Variants in ACER3 observed in about 807,000 individuals in gnomAD.
ACER3 encodes alkCDase 3.
Under a neutral mutation model 48.9 loss-of-function variants are expected in ACER3, and 16 were observed. That is an observed-to-expected ratio of 0.33 (90% CI 0.22 to 0.50). The LOEUF (loss-of-function observed/expected upper bound fraction) is 0.50, where lower values mean the gene tolerates loss of function less well. Ranked by LOEUF, ACER3 falls within the 20% of genes least tolerant of loss-of-function variation. The pLI is 0.98. For synonymous variants in ACER3, 109 were observed against 107.8 expected, an observed-to-expected ratio of 1.01 and a Z score of -0.07; for missense variants, 227 against 326.0, an observed-to-expected ratio of 0.70 and a Z score of 2.34.
intron 1 of ACER3, among the ~76,000 whole-genome samples, chr11:76,921,851 A>G (rs1946693197): frequency 6.6e-6 from 1 of 152,158 alleles, no homozygotes; most frequent in Non-Finnish European, 1.5e-5. Flanking sequence ...TGACCCAGGA[A>G]TCCTTCAGAT....
At chr11:77,008,202 G>T (rs1949193238) in intron 7 of ACER3, among the ~76,000 whole-genome samples, 1 of 152,166 alleles carries the variant, frequency 6.6e-6, no homozygotes, top group Non-Finnish European at 1.5e-5. Flanking sequence ...ATAATGCCCA[G>T]CAGTTTTAGT....
intron 1 of ACER3, among the ~76,000 whole-genome samples, chr11:76,918,814 C>T (rs1388099105): frequency 6.6e-6 from 1 of 152,164 alleles, no homozygotes; most frequent in African/African-American, 2.4e-5. Context: ...TAAGTTCACA[C>T]AGCTAGAAGG....
intron 1 of ACER3, among the ~76,000 whole-genome samples, chr11:76,871,734 G>C (rs935903939): frequency 6.6e-6 from 1 of 152,156 alleles, no homozygotes; most frequent in East Asian, 1.9e-4. Flanking sequence ...ATCAGAAAAC[G>C]AGCTGGAAAG....
chr11:77,001,508 G>A (rs371884524), intron 7 of ACER3, among the ~76,000 whole-genome samples: 1 of 152,016 alleles, frequency 6.6e-6, no homozygotes, highest in African/African-American at 2.4e-5. Context: ...TGCCTGTCTC[G>A]GCCTCCCAAA....
chr11:76,861,006 C>G lies in ACER3; in HGVS notation c.30C>G (p.Tyr10Ter). The change falls in exon 1 of 11, where the codon TAC becomes TAG. Residue 10 changes from tyrosine to a stop codon, truncating the protein, a stop_gained. Coordinates refer to ENST00000532485, the MANE Select transcript of ACER3 (RefSeq NM_018367.7). LOFTEE classifies it high-confidence loss of function. MAPAADREG[Y>*]WGPTTSTLDW... ...CTCCGGCCGCGGACCGAGAGGGCTA[C>G]TGGGGCCCCACGACCTCCACGCTGG... 1 of 1,546,210 alleles carries G rather than the reference C, an allele frequency of 6.5e-7. No homozygotes were observed. The highest frequency in any genetic ancestry group is 8.7e-7 in the Non-Finnish European group (1 of 1,145,772).
intron 3 of ACER3, 23 bp from the exon 4 acceptor site, chr11:76,976,266 T>C: frequency 6.4e-7 from 1 of 1,573,846 alleles, no homozygotes; most frequent in Non-Finnish European, 8.7e-7. Context: ...TTCAAGCCTG[T>C]TATCTATCTT....
At chr11:76,928,110 T>C (rs1946881009) in intron 2 of ACER3, among the ~76,000 whole-genome samples, 1 of 152,182 alleles carries the variant, frequency 6.6e-6, no homozygotes, top group South Asian at 2.1e-4. Flanking sequence ...CTCCACATCC[T>C]CTCCAGCACG....
Position 76,880,431 on chromosome 11 carries a change from C to A in ACER3, c.103+19352C>A, listed in dbSNP as rs114890038. ...TTTGCAGTGGACACTAGCTGGGTAT[C>A]TTTCAATTCAATTCTGACACTGTCT... On this transcript the variant is annotated intron_variant, in intron 1 of 10. Transcript: ENST00000532485. 3.1e-3 allele frequency among the ~76,000 whole-genome samples: 468 copies of A among 152,334 alleles called. 5 individuals are homozygous for A. Among genetic ancestry groups the A allele is most frequent in the African/African-American group, 0.011 (445 of 41,578 alleles).
In ACER3 at chr11:76,866,358, A is replaced by G. The variant is rs1945090070; in HGVS notation, c.103+5279A>G. Among the ~76,000 whole-genome samples, 3 of 152,304 alleles carry G rather than the reference A, an allele frequency of 2.0e-5. No individual in the cohort carries two copies. In the South Asian group the frequency reaches 6.2e-4, roughly 32 times the overall value. ...CAGGAGACAAGGAGGCAACTCAACT[A>G]CATGCTTTGCTTTCTGTACATGAAC... On this transcript the variant is annotated intron_variant, in intron 1 of 10. Transcript: ENST00000532485.
At chr11:76,957,380 T>C (rs556662358) in intron 2 of ACER3, 11 of 364,600 alleles carry the variant, frequency 3.0e-5, no homozygotes, top group African/African-American at 2.4e-4. Context: ...AAACCTTTGA[T>C]ATATTGAAGC....
chr11:76,898,980 A>G (rs972603539), intron 1 of ACER3, among the ~76,000 whole-genome samples: 35 of 150,134 alleles, frequency 2.3e-4, no homozygotes, highest in African/African-American at 7.6e-4. Flanking sequence ...TATATATTTC[A>G]TCTTCTATTT....
intron 10 of ACER3, 21 bp downstream of exon 10, chr11:77,019,797 CTG>C (rs782231333): frequency 6.8e-6 from 11 of 1,610,776 alleles, no homozygotes; most frequent in African/African-American, 1.3e-5. Context: ...TTCCTAGGTC[CTG>C]TGTGTGTGTT....
Position 77,015,016 on chromosome 11 carries a change from G to C in ACER3, c.498G>C (p.Trp166Cys). ...TGCTTTTCTGTTTTCCCCCCCACAG[G>C]GTTTATCCATGGCTTAGAGGACTGG... ...LVLRSIYIVT[W>C]VYPWLRGLGY... Residue 166 changes from tryptophan (W) to cysteine (C), a missense_variant and splice_region_variant, in exon 8 of 11, where the codon TGG (tryptophan) becomes TGC (cysteine). Coordinates refer to ENST00000532485, the MANE Select transcript of ACER3 (RefSeq NM_018367.7). 6.4e-7 allele frequency: 1 copy of C among 1,574,384 alleles called. No individual in the cohort carries two copies. The highest frequency in any genetic ancestry group is 8.7e-7 in the Non-Finnish European group (1 of 1,145,650).
chr11:76,872,129 T>G (rs535019958), intron 1 of ACER3, among the ~76,000 whole-genome samples: 3 of 149,300 alleles, frequency 2.0e-5, no homozygotes, highest in Non-Finnish European at 4.4e-5. Flanking sequence ...GAGGCTGGAG[T>G]GCAGTGGCAC....
intron 2 of ACER3, among the ~76,000 whole-genome samples, chr11:76,941,345 T>G (rs892954067): frequency 6.6e-6 from 1 of 152,178 alleles, no homozygotes; most frequent in Non-Finnish European, 1.5e-5. Context: ...ACTAAGAATT[T>G]AGTCATTTTA....
intron 1 of ACER3, among the ~76,000 whole-genome samples, chr11:76,874,200 G>C (rs1945310363): frequency 6.6e-6 from 1 of 152,098 alleles, no homozygotes; most frequent in Non-Finnish European, 1.5e-5. Flanking sequence ...ATTCCTATCT[G>C]GACTTCACTC....
chr11:77,002,155 A>G (rs1055148545), intron 7 of ACER3, among the ~76,000 whole-genome samples: 15 of 73,212 alleles, frequency 2.0e-4, no homozygotes, highest in Admixed American at 1.2e-3. Context: ...TAAAGAACCT[A>G]TCTCTAAAAT....
chr11:77,023,450 C>T lies in ACER3; in HGVS notation c.*3123C>T, dbSNP rs573449709. On this transcript the variant is annotated 3_prime_UTR_variant, in exon 11 of 11. Coordinates refer to ENST00000532485, the MANE Select transcript of ACER3 (RefSeq NM_018367.7). ...AGCCAATTCTGAATTAGCCAATGCC[C>T]TAAAAGCATCTAACAATTTAAGGTT... 1 of 327,730 alleles carries T rather than the reference C, an allele frequency of 3.1e-6. No homozygotes were observed. Among genetic ancestry groups the T allele is most frequent in the South Asian group, 1.6e-4 (1 of 6,326 alleles). The allele number at this position is 327,730 out of a possible 1,614,324, so 20.3% of individuals were successfully genotyped here. A position where few individuals can be genotyped will look rare whatever the true frequency, so the allele number is the denominator to read the frequency against.
At chr11:76,986,802 C>T (rs781255176) in intron 5 of ACER3, among the ~76,000 whole-genome samples, 2 of 152,170 alleles carry the variant, frequency 1.3e-5, no homozygotes, top group Non-Finnish European at 2.9e-5. Context: ...CAGTGGCCCA[C>T]TCCTGTAATC....
Sources: gnomAD v4.1 joint callset for allele counts (sites outside exome capture counted in the v4.1 genomes callset) on GRCh38, gnomAD v4.1.1 for gene constraint, MANE v1.5 for transcripts, NCBI Gene and HGNC (gene_info 2026-07-23, HGNC 2026-07-21) for gene names.